The following ACBD6 variants were observed in gnomAD, a reference collection of about 807,000 sequenced individuals.
ACBD6 encodes the protein acyl-CoA-binding domain-containing protein 6.
A neutral mutation model predicts 37.2 loss-of-function variants in ACBD6; 28 were observed. The observed-to-expected ratio is 0.75, with a 90% CI of 0.56 to 1.03. The LOEUF (loss-of-function observed/expected upper bound fraction) is 1.03, where lower values mean the gene tolerates loss of function less well. Ranked by LOEUF, ACBD6 falls within the 50% of genes least tolerant of loss-of-function variation. The pLI, the probability that ACBD6 is intolerant of heterozygous loss-of-function variation, is 0.00. For missense variants in ACBD6, 340 were observed against 337.4 expected (o/e 1.01, Z -0.06); for synonymous variants, 113 against 126.8 (o/e 0.89, Z 0.73).
chr1:180,271,747 T>G (rs1648674856), exon 14 of ACBD6: 3 of 1,485,100 alleles, frequency 2.0e-6, no homozygotes, highest in Non-Finnish European at 2.8e-6. Flanking sequence ...GGCTTCAGTC[T>G]GCTTCCAGCC....
chr1:180,337,247 A>G, intron 6 of ACBD6, among the ~76,000 whole-genome samples: 1 of 152,188 alleles, frequency 6.6e-6, no homozygotes, highest in African/African-American at 2.4e-5. Flanking sequence ...CGATGCAAAA[A>G]TCCTCAATAA....
chr1:180,383,884 G>T (rs1376972921), intron 6 of ACBD6, among the ~76,000 whole-genome samples: 1 of 152,052 alleles, frequency 6.6e-6, no homozygotes, highest in African/African-American at 2.4e-5. Flanking sequence ...AGAGTCAACT[G>T]ATACTCAACA....
chr1:180,383,016 C>T (rs1195196884), intron 6 of ACBD6, among the ~76,000 whole-genome samples: 1 of 152,136 alleles, frequency 6.6e-6, no homozygotes, highest in Non-Finnish European at 1.5e-5. Context: ...AAACACTCAA[C>T]AAACTAGGCA....
At chr1:180,416,407 A>G (rs1648097676) in intron 4 of ACBD6, among the ~76,000 whole-genome samples, 1 of 152,220 alleles carries the variant, frequency 6.6e-6, no homozygotes, top group Non-Finnish European at 1.5e-5. Flanking sequence ...AACCATTATG[A>G]AACACAGTAG....
intron 6 of ACBD6, among the ~76,000 whole-genome samples, chr1:180,347,499 A>T (rs1652233656): frequency 5.9e-5 from 9 of 151,604 alleles, no homozygotes; most frequent in Admixed American, 5.9e-4. Flanking sequence ...CCCGAGTAGC[A>T]AGGATTAAAG....
At chr1:180,347,515 T>C (rs1652234073) in intron 6 of ACBD6, among the ~76,000 whole-genome samples, 1 of 152,068 alleles carries the variant, frequency 6.6e-6, no homozygotes, top group Admixed American at 6.6e-5. Context: ...TAAAGCTGCC[T>C]GCCATCATGG....
intron 1 of ACBD6, among the ~76,000 whole-genome samples, chr1:180,496,121 T>C (rs1007852178): frequency 1.3e-5 from 2 of 152,150 alleles, no homozygotes; most frequent in Non-Finnish European, 2.9e-5. Flanking sequence ...AGTCTTATCA[T>C]CTTTTGTTTG....
rs1234120117 is a variant in ACBD6 at position 180,502,145 on chromosome 1, C to T, written c.122G>A (p.Cys41Tyr). 6.2e-7 allele frequency: 1 copy of T among 1,614,082 alleles called. No homozygotes were observed. Among genetic ancestry groups the T allele is most frequent in the East Asian group, 2.2e-5 (1 of 44,876 alleles). Residue 41 changes from cysteine to tyrosine, a missense_variant, in exon 1 of 8, where the codon TGC becomes TAC. Cys to Tyr is a radical substitution (Grantham distance 194). Transcript: ENST00000367595. ...PHSPEIEETS[C>Y]LAELFEKAAA... The stretch of plus-strand genomic sequence containing the variant: ...AGCCTTCTCAAACAGCTCGGCCAGG[C>T]AACTGGTCTCCTCGATCTCAGGGCT...
downstream of ACBD6, among the ~76,000 whole-genome samples, chr1:180,284,424 C>T (rs536384451): frequency 1.3e-4 from 19 of 150,426 alleles, no homozygotes; most frequent in African/African-American, 2.4e-4. Flanking sequence ...AGTGCAGTGG[C>T]GCGATCTTGG....
chr1:180,393,625 A>T (rs1052185812), intron 6 of ACBD6, among the ~76,000 whole-genome samples: 4 of 152,226 alleles, frequency 2.6e-5, no homozygotes, highest in African/African-American at 9.6e-5. Context: ...ATATTTGAAA[A>T]GCGTTTTCAA....
chr1:180,446,278 G>A (rs1649471727), intron 3 of ACBD6, among the ~76,000 whole-genome samples: 1 of 151,612 alleles, frequency 6.6e-6, no homozygotes, highest in East Asian at 1.9e-4. Context: ...CTCCCTAAGT[G>A]CTGAGATTAC....
chr1:180,271,758 G>T, exon 14 of ACBD6: 1 of 1,541,678 alleles, frequency 6.5e-7, no homozygotes. Flanking sequence ...GCTTCCAGCC[G>T]CCCGCCTAGG....
At chr1:180,318,679 C>T (rs910465281) in intron 6 of ACBD6, among the ~76,000 whole-genome samples, 15 of 152,160 alleles carry the variant, frequency 9.9e-5, no homozygotes, top group Non-Finnish European at 1.6e-4. Context: ...GCCACCCCAA[C>T]CCCGGACTTG....
At chr1:180,434,292 C>G (rs1648932440) in intron 3 of ACBD6, among the ~76,000 whole-genome samples, 1 of 152,160 alleles carries the variant, frequency 6.6e-6, no homozygotes, top group Non-Finnish European at 1.5e-5. Context: ...CATCACATGA[C>G]AGAGAGCAGA....
At chr1:180,418,448 G>A (rs1457530084) in intron 4 of ACBD6, among the ~76,000 whole-genome samples, 2 of 152,092 alleles carry the variant, frequency 1.3e-5, no homozygotes, top group Non-Finnish European at 2.9e-5. Flanking sequence ...GTGTGGTGGT[G>A]CGTGCCTGTA....
intron 7 of ACBD6, among the ~76,000 whole-genome samples, chr1:180,292,686 AT>A (rs1389978404): frequency 1.3e-5 from 2 of 151,270 alleles, no homozygotes; most frequent in African/African-American, 4.9e-5. Flanking sequence ...AGGAAGTTTT[AT>A]TTCTTCTTTT....
chr1:180,389,704 T>C (rs1179118337), intron 6 of ACBD6, among the ~76,000 whole-genome samples: 1 of 152,242 alleles, frequency 6.6e-6, no homozygotes, highest in Non-Finnish European at 1.5e-5. Flanking sequence ...CTAACTGGTG[T>C]GAGATGGTAT....
chr1:180,283,208 G>A (rs1404026386), intron 8 of ACBD6, among the ~76,000 whole-genome samples: 1 of 152,094 alleles, frequency 6.6e-6, no homozygotes, highest in Non-Finnish European at 1.5e-5. Flanking sequence ...AATGGAAACC[G>A]AGATTGCTAC....
chr1:180,404,515 T>C (rs1465214455), intron 5 of ACBD6, among the ~76,000 whole-genome samples: 1 of 152,076 alleles, frequency 6.6e-6, no homozygotes, highest in Non-Finnish European at 1.5e-5. Context: ...TGGAGTCCAG[T>C]GGCACGATCT....
Sources: gnomAD v4.1 joint callset for allele counts (sites outside exome capture counted in the v4.1 genomes callset) on GRCh38, gnomAD v4.1.1 for gene constraint, MANE v1.5 for transcripts, NCBI Gene and HGNC (gene_info 2026-07-23, HGNC 2026-07-21) for gene names.